Variants in TFPI observed in about 807,000 individuals in gnomAD.
TFPI encodes tissue factor pathway inhibitor.
In TFPI, 15 loss-of-function variants were observed where a neutral mutation model predicts 34.6. The observed-to-expected ratio is 0.43, with a 90% CI of 0.29 to 0.67. TFPI has a LOEUF of 0.67. Among genes scored for constraint, TFPI ranks in the 30% least tolerant of loss-of-function variants. The pLI, the probability that TFPI is intolerant of heterozygous loss-of-function variation, is 0.15. For missense variants in TFPI, 301 were observed against 364.0 expected (o/e 0.83, Z 1.41); for synonymous variants, 105 against 120.1 (o/e 0.87, Z 0.82).
chr2:187,476,626 C>T (rs1692395041), intron 6 of TFPI, among the ~76,000 whole-genome samples: 1 of 152,126 alleles, frequency 6.6e-6, no homozygotes, highest in South Asian at 2.1e-4. Flanking sequence ...AGGAGTGAGC[C>T]ACTGCACCCA....
chr2:187,467,758 T>A lies in TFPI; in HGVS notation c.803A>T (p.Lys268Ile). ...GGGAAGAGTATCTTCTATACCTTTT[T>A]TACATGCCCTCAGACATTCTTGTTT... ...TSKQECLRACKKGFIQRISKG... is the reference protein window; with the variant it reads ...TSKQECLRACIKGFIQRISKG... The change falls in exon 7 of 8, where the codon AAA (lysine) becomes ATA (isoleucine). Residue 268 changes from lysine (K) to isoleucine (I), a missense_variant. Physicochemically the swap from Lys to Ile is moderately radical, Grantham distance 102. Coordinates refer to ENST00000233156, the MANE Select transcript of TFPI (RefSeq NM_006287.6). 6.2e-7 allele frequency: 1 copy of A among 1,601,708 alleles called. No individual in the cohort carries two copies. The highest frequency in any genetic ancestry group is 8.5e-7 in the Non-Finnish European group (1 of 1,174,550).
chr2:187,476,573 C>G (rs1438269751), intron 6 of TFPI, among the ~76,000 whole-genome samples: 1 of 152,132 alleles, frequency 6.6e-6, no homozygotes, highest in Admixed American at 6.6e-5. Context: ...CTCCTGGGCT[C>G]AAGCTATCTT....
chr2:187,547,287 T>C (rs1432691810), intron 1 of TFPI: 1 of 152,220 alleles, frequency 6.6e-6, no homozygotes, highest in Non-Finnish European at 1.5e-5. Flanking sequence ...TATGATGAAT[T>C]AGAAAACTTC....
chr2:187,516,953 G>A (rs941928061), intron 1 of TFPI: 2 of 152,170 alleles, frequency 1.3e-5, no homozygotes, highest in African/African-American at 4.8e-5. Context: ...AAAGGGACTG[G>A]AATTGCTCAC....
At chr2:187,497,672 A>G (rs1187895346) in intron 2 of TFPI, among the ~76,000 whole-genome samples, 1 of 152,018 alleles carries the variant, frequency 6.6e-6, no homozygotes, top group African/African-American at 2.4e-5. Flanking sequence ...TATGTTTTAA[A>G]TAGAATGAGG....
At chr2:187,503,523 C>A in intron 2 of TFPI, 125 bp downstream of exon 2, 4 of 1,072,642 alleles carry the variant, frequency 3.7e-6, no homozygotes. Flanking sequence ...TAATAAATTT[C>A]CAAAGAAAAA....
intron 4 of TFPI, 52 bp downstream of exon 4, chr2:187,488,285 A>G (rs1387362574): frequency 1.2e-5 from 18 of 1,465,680 alleles, no homozygotes; most frequent in Non-Finnish European, 1.7e-5. Context: ...AAAATTGAAT[A>G]TCTAAATGCC....
chr2:187,553,860 C>T (rs536677739), intron 1 of TFPI, among the ~76,000 whole-genome samples: 6 of 152,222 alleles, frequency 3.9e-5, no homozygotes, highest in Non-Finnish European at 7.4e-5. Context: ...CTTTCAAGAA[C>T]TTCCAATTAA....
At position 187,524,114 on chromosome 2, in the gene TFPI, A is replaced by G. The variant is rs547322330; in HGVS notation, c.-2-20344T>C. 9.2e-5 allele frequency among the ~76,000 whole-genome samples: 14 copies of G among 152,202 alleles called. No individual in the cohort carries two copies. The East Asian group carries it at 1.3e-3, about 15-fold the overall frequency. ...CTTTTTATTGCTGAAAATATTTTAT[A>G]GTATAAATATACCAAAATTTATTTA... On this transcript the variant is annotated intron_variant, in intron 1 of 7. Coordinates refer to ENST00000233156, the MANE Select transcript of TFPI (RefSeq NM_006287.6).
chr2:187,470,402 A>G (rs1269569656), intron 6 of TFPI, among the ~76,000 whole-genome samples: 2 of 152,154 alleles, frequency 1.3e-5, no homozygotes. Flanking sequence ...TCATAAAATC[A>G]AGGTTATTTC....
At chr2:187,507,056 C>T (rs1686270543) in intron 1 of TFPI, among the ~76,000 whole-genome samples, 1 of 152,152 alleles carries the variant, frequency 6.6e-6, no homozygotes, top group Non-Finnish European at 1.5e-5. Context: ...TATCCCTCCC[C>T]TAGCCTCCCA....
chr2:187,484,794 A>G lies in TFPI; in HGVS notation c.535+17T>C, dbSNP rs753312273. The G allele has an allele frequency of 1.9e-6, 3 of 1,562,432 alleles. No individual in the cohort carries two copies. Among genetic ancestry groups the G allele is most frequent in the Admixed American group, 2.0e-5 (1 of 48,918 alleles). On this transcript the variant is annotated intron_variant, in intron 5 of 7. Transcript: ENST00000233156. ...ATGCCTATAAATGAACTAAAATGAA[A>G]TAAGAAATAAACTTACGACCATCTT...
intron 6 of TFPI, among the ~76,000 whole-genome samples, chr2:187,472,552 C>T (rs1692106131): frequency 6.6e-6 from 1 of 152,148 alleles, no homozygotes; most frequent in Non-Finnish European, 1.5e-5. Flanking sequence ...GAATTTATCT[C>T]CTATTCAACA....
chr2:187,482,899 G>A (rs1056426994), intron 6 of TFPI, among the ~76,000 whole-genome samples: 1 of 151,848 alleles, frequency 6.6e-6, no homozygotes, highest in Admixed American at 6.6e-5. Context: ...GTTATTAAAA[G>A]CACATATTAT....
chr2:187,479,063 A>G (rs1251579508), intron 6 of TFPI, among the ~76,000 whole-genome samples: 1 of 152,158 alleles, frequency 6.6e-6, no homozygotes, highest in Non-Finnish European at 1.5e-5. Context: ...AGATTGGTTA[A>G]GAAGATTAGG....
At chr2:187,518,338 G>A (rs948222388) in intron 1 of TFPI, 3 of 152,160 alleles carry the variant, frequency 2.0e-5, no homozygotes, top group African/African-American at 7.2e-5. Flanking sequence ...AGGCCTGGTG[G>A]TGACAAAATT....
chr2:187,492,821 T>C (rs1685210997), intron 3 of TFPI, among the ~76,000 whole-genome samples: 1 of 152,174 alleles, frequency 6.6e-6, no homozygotes, highest in Non-Finnish European at 1.5e-5. Context: ...TTTTACAAGC[T>C]CCTAGGCAGA....
chr2:187,466,885 C>A lies in TFPI; in HGVS notation c.*51G>T. 9.8e-7 allele frequency: 1 copy of A among 1,022,946 alleles called. No homozygotes were observed. Among genetic ancestry groups the A allele is most frequent in the Non-Finnish European group, 1.4e-6 (1 of 707,654 alleles). The allele number at this position is 1,022,946 out of a possible 1,614,324, so 63.4% of individuals were successfully genotyped here. A position where few individuals can be genotyped will look rare whatever the true frequency, so the allele number is the denominator to read the frequency against. On this transcript the variant is annotated 3_prime_UTR_variant, in exon 8 of 8. Transcript: ENST00000233156. ...AGAAAAATAGAAAATCATAGTGAAA[C>A]ATTTCATATAAAATATTTAGTAGAA...
intron 2 of TFPI, chr2:187,499,401 T>C (rs1685702357): frequency 6.6e-6 from 1 of 152,124 alleles, no homozygotes; most frequent in African/African-American, 2.4e-5. Flanking sequence ...TCTCTATCAC[T>C]GAAGTTATAA....
Sources: allele counts gnomAD v4.1 joint callset (sites outside exome capture counted in the v4.1 genomes callset), GRCh38; gene constraint gnomAD v4.1.1; transcripts MANE v1.5; gene names NCBI Gene and HGNC (gene_info 2026-07-23, HGNC 2026-07-21).